The following TECTB variants were observed in gnomAD, a reference collection of about 807,000 sequenced individuals.
TECTB encodes the protein beta-tectorin.
In TECTB, 45 loss-of-function variants were observed where a neutral mutation model predicts 43.3. The observed-to-expected ratio is 1.04, with a 90% CI of 0.82 to 1.33. The LOEUF (loss-of-function observed/expected upper bound fraction) is 1.33. Among genes scored for constraint, TECTB ranks in the 40% most tolerant of loss-of-function variants. The pLI, the probability that TECTB is intolerant of heterozygous loss-of-function variation, is 0.00. For synonymous variants in TECTB, 169 were observed against 156.7 expected, an observed-to-expected ratio of 1.08 and a Z score of -0.59; for missense variants, 399 against 404.7, an observed-to-expected ratio of 0.99 and a Z score of 0.12.
At chr10:112,294,082 C>T (rs1187567514) in intron 7 of TECTB, 21 bp downstream of exon 7, 1 of 1,602,602 alleles carries the variant, frequency 6.2e-7, no homozygotes, top group South Asian at 1.1e-5. Context: ...TATCTAGAGA[C>T]AGGGCTGAAC....
In TECTB at chr10:112,292,493, G is replaced by C. The variant is rs576293005; in HGVS notation, c.484-1245G>C. On this transcript the variant is annotated intron_variant, in intron 5 of 10. Transcript: ENST00000646139. ...TCTGTCACCCAGGCTGGAGTGCAAT[G>C]GTGTAATCTTGGCTCATGGCAACCT... Among the ~76,000 whole-genome samples, 30 of 152,196 alleles carry C rather than the reference G, an allele frequency of 2.0e-4. 1 individual carries two copies. Among genetic ancestry groups the C allele is most frequent in the African/African-American group, 7.2e-4 (30 of 41,522 alleles).
intron 7 of TECTB, among the ~76,000 whole-genome samples, chr10:112,295,357 A>C (rs901849690): frequency 1.3e-5 from 2 of 152,260 alleles, no homozygotes; most frequent in African/African-American, 4.8e-5. Context: ...ATATTAATTT[A>C]TCTAAATGTC....
At chr10:112,285,823 G>A (rs558633386) in intron 3 of TECTB, among the ~76,000 whole-genome samples, 4 of 152,290 alleles carry the variant, frequency 2.6e-5, no homozygotes, top group Non-Finnish European at 5.9e-5. Flanking sequence ...ATGGGTACAT[G>A]GAGATTTTTA....
Position 112,302,077 on chromosome 10 carries a change from G to A in TECTB, c.908-24G>A, listed in dbSNP as rs532997103. The stretch of plus-strand genomic sequence containing the variant: ...TCCATGATCTTTTCTTAAACTTTCT[G>A]CATTCTCTCTTTACTCACTACAGGC... On this transcript the variant is annotated intron_variant, in intron 9 of 10. Coordinates refer to ENST00000646139, the MANE Select transcript of TECTB (RefSeq NM_058222.3). 5.0e-6 allele frequency: 8 copies of A among 1,612,692 alleles called. No homozygotes were observed. The African/African-American group carries it at 6.7e-5, about 13-fold the overall frequency.
chr10:112,285,814 T>C (rs1225820255), intron 3 of TECTB, among the ~76,000 whole-genome samples: 1 of 152,138 alleles, frequency 6.6e-6, no homozygotes, highest in Admixed American at 6.6e-5. Flanking sequence ...AGAAGCCCAA[T>C]GGGTACATGG....
At chr10:112,283,885 T>A in intron 2 of TECTB, 75 bp downstream of exon 2, 1 of 1,443,928 alleles carries the variant, frequency 6.9e-7, no homozygotes, top group Non-Finnish European at 9.5e-7. Context: ...TCAGCACTTC[T>A]GTGCTTAACT....
At chr10:112,298,353 G>A in intron 8 of TECTB, 122 bp downstream of exon 8, 1 of 1,279,160 alleles carries the variant, frequency 7.8e-7, no homozygotes, top group Non-Finnish European at 1.1e-6. Context: ...ACATCTGGAG[G>A]AAATGGCACT....
intron 5 of TECTB, 49 bp from the exon 6 acceptor site, chr10:112,293,689 C>G (rs1460991695): frequency 6.5e-7 from 1 of 1,544,088 alleles, no homozygotes; most frequent in Non-Finnish European, 9.0e-7. Context: ...GTAGACCTAG[C>G]TGCTCAATCT....
chr10:112,298,087 C>A lies in TECTB; in HGVS notation c.690C>A (p.Thr230=). 1 of 1,614,198 alleles carries A rather than the reference C, an allele frequency of 6.2e-7. No homozygotes were observed. Residue 230 remains threonine, a synonymous_variant, in exon 8 of 11, where the codon ACC becomes ACA. Coordinates refer to ENST00000646139, the MANE Select transcript of TECTB (RefSeq NM_058222.3). ...GCCTCAGCTGCCCCACGGATGAAAC[C>A]GTCCTCGTGCATGAGAATGGGAGAG... is the stretch of plus-strand genomic sequence containing the variant. The part of the protein sequence containing the change: ...LINKGCPTDE[T]VLVHENGRDH...
intron 3 of TECTB, among the ~76,000 whole-genome samples, chr10:112,285,541 T>C (rs1848446935): frequency 1.3e-5 from 2 of 152,232 alleles, no homozygotes; most frequent in Admixed American, 6.5e-5. Context: ...ATCAGCTGTG[T>C]GGTCTCAGGT....
At position 112,298,056 on chromosome 10, in the gene TECTB, C is replaced by A. The variant is rs774033021; in HGVS notation, c.672-13C>A. 1 of 1,614,054 alleles carries A rather than the reference C, an allele frequency of 6.2e-7. No homozygotes were observed. ...GAGATGACAGTTCACTCTTCTTTCC[C>A]CATCTGCCTCAGCTGCCCCACGGAT... On this transcript the variant is annotated splice_polypyrimidine_tract_variant and intron_variant, in intron 7 of 10. Coordinates refer to ENST00000646139, the MANE Select transcript of TECTB (RefSeq NM_058222.3).
Position 112,286,361 on chromosome 10 carries a change from T to G in TECTB, c.453T>G (p.Phe151Leu). 1 of 1,610,262 alleles carries G rather than the reference T, an allele frequency of 6.2e-7. No homozygotes were observed. The highest frequency in any genetic ancestry group is 8.5e-7 in the Non-Finnish European group (1 of 1,176,682). The part of the protein sequence containing the change: ...VHVKNGSMGT[F>L]ESQLSLNFYT... ...TGAAGAACGGGAGCATGGGCACATT[T>G]GAGAGCCAACTGTCTCTCAACTTCT... Residue 151 changes from phenylalanine to leucine, a missense_variant, in exon 5 of 11, where the codon TTT becomes TTG. Physicochemically the swap from Phe to Leu is conservative, Grantham distance 22. Transcript: ENST00000646139.
chr10:112,292,590 C>T (rs921127909), intron 5 of TECTB, among the ~76,000 whole-genome samples: 1 of 151,946 alleles, frequency 6.6e-6, no homozygotes, highest in Non-Finnish European at 1.5e-5. Flanking sequence ...ACTACAGATG[C>T]CTGCCACCAC....
At chr10:112,299,099 A>G (rs1589641847) in intron 8 of TECTB, among the ~76,000 whole-genome samples, 1 of 152,194 alleles carries the variant, frequency 6.6e-6, no homozygotes, top group Non-Finnish European at 1.5e-5. Flanking sequence ...TCAATGCCAT[A>G]TTTTTAAAAA....
At chr10:112,283,530 C>G (rs1848429450) in intron 1 of TECTB, 34 bp downstream of exon 1, 1 of 573,172 alleles carries the variant, frequency 1.7e-6, no homozygotes, top group Non-Finnish European at 3.1e-6. Context: ...TCAGCGCTAA[C>G]AGGAAACAAT....
rs555689865 is a variant in TECTB, at chr10:112,299,789, C to G, written c.907+225C>G. The G allele has an allele frequency of 5.5e-5, 29 of 527,658 alleles. No individual in the cohort carries two copies. The South Asian group carries it at 7.3e-4, about 13-fold the overall frequency. 32.7% of individuals were successfully genotyped at this position (527,658 alleles called of 1,614,324 possible). A position where few individuals can be genotyped will look rare whatever the true frequency, so the allele number is the denominator to read the frequency against. On this transcript the variant is annotated intron_variant, in intron 9 of 10. Coordinates refer to ENST00000646139, the MANE Select transcript of TECTB (RefSeq NM_058222.3). ...CTACTCTGAAAGTTCTAACTGCACC[C>G]TAAATTCAAATACCCCCAAAGAATC...
At chr10:112,302,182 A>C (rs1272677108) in intron 10 of TECTB, 49 bp downstream of exon 10, 1 of 1,599,268 alleles carries the variant, frequency 6.3e-7, no homozygotes, top group Non-Finnish European at 8.5e-7. Context: ...TGCTGTTAAA[A>C]GGCAGAGAGT....
intron 7 of TECTB, among the ~76,000 whole-genome samples, chr10:112,297,059 A>G (rs1848554098): frequency 6.6e-6 from 1 of 152,224 alleles, no homozygotes; most frequent in Non-Finnish European, 1.5e-5. Context: ...ACACCTAGTT[A>G]AAGGAACGGC....
intron 5 of TECTB, 51 bp downstream of exon 5, chr10:112,286,442 G>A: frequency 1.3e-6 from 2 of 1,555,434 alleles, no homozygotes; most frequent in Non-Finnish European, 1.8e-6. Context: ...TCCTTTCTAG[G>A]AGATGGTGGG....
Sources: allele counts gnomAD v4.1 joint callset (sites outside exome capture counted in the v4.1 genomes callset), GRCh38; gene constraint gnomAD v4.1.1; transcripts MANE v1.5; gene names NCBI Gene and HGNC (gene_info 2026-07-23, HGNC 2026-07-21).